The following TOM1 variants were observed in gnomAD, a reference collection of about 807,000 sequenced individuals.
TOM1 encodes the protein target of myb1 membrane trafficking protein.
In TOM1, 38 loss-of-function variants were observed where a neutral mutation model predicts 61.3. That is an observed-to-expected ratio of 0.62 (90% CI 0.48 to 0.81). The LOEUF is 0.81. Among genes scored for constraint, TOM1 ranks in the 40% least tolerant of loss-of-function variants. TOM1 has a pLI of 0.00. For synonymous variants in TOM1, 270 were observed against 268.8 expected, an observed-to-expected ratio of 1.00 and a Z score of -0.04; for missense variants, 591 against 659.6, an observed-to-expected ratio of 0.90 and a Z score of 1.14.
At chr22:35,341,275 C>T (rs931945159) in intron 12 of TOM1, among the ~76,000 whole-genome samples, 14 of 152,220 alleles carry the variant, frequency 9.2e-5, no homozygotes, top group Non-Finnish European at 2.1e-4. Flanking sequence ...TGGTGCCTGG[C>T]ACACACTACG....
chr22:35,328,745 G>A (rs1038412413), intron 7 of TOM1, among the ~76,000 whole-genome samples: 14 of 152,312 alleles, frequency 9.2e-5, no homozygotes, highest in Admixed American at 2.6e-4. Context: ...CCACATGACA[G>A]CCAAAATAAA....
intron 1 of TOM1, among the ~76,000 whole-genome samples, chr22:35,300,594 C>T (rs1002296979): frequency 9.2e-5 from 14 of 152,208 alleles, no homozygotes; most frequent in Non-Finnish European, 1.9e-4. Flanking sequence ...AGAACCTGAG[C>T]AGACAGTGGT....
At chr22:35,338,883 C>A in intron 12 of TOM1, 95 bp downstream of exon 12, 1 of 1,163,972 alleles carries the variant, frequency 8.6e-7, no homozygotes, top group South Asian at 1.6e-5. Flanking sequence ...AAGCACTGGC[C>A]CAGCACGTCC....
chr22:35,315,819 C>T (rs897187302), intron 1 of TOM1, among the ~76,000 whole-genome samples: 7 of 152,354 alleles, frequency 4.6e-5, no homozygotes, highest in Middle Eastern at 3.4e-3. Flanking sequence ...CTCTGTCCTC[C>T]GGCAGACTGG....
At chr22:35,346,873 G>A (rs973044284) in intron 13 of TOM1, 57 bp from the exon 14 acceptor site, 4 of 1,550,042 alleles carry the variant, frequency 2.6e-6, no homozygotes, top group Non-Finnish European at 3.5e-6. Flanking sequence ...CACTGCCCCA[G>A]GCTGACCGTA....
intron 1 of TOM1, among the ~76,000 whole-genome samples, chr22:35,308,088 C>A (rs917965800): frequency 6.6e-6 from 1 of 152,162 alleles, no homozygotes; most frequent in African/African-American, 2.4e-5. Context: ...GCAGGCTCCC[C>A]TTGTCCTTGC....
In TOM1 at chr22:35,323,227, G is replaced by A; in HGVS notation, c.366+50G>A. The stretch of plus-strand genomic sequence containing the variant: ...ACGGCCAGGAAGAGCTGTCAGTGCA[G>A]GAGCTTCCTGCCCAGTGGAGAGTCG... On this transcript the variant is annotated intron_variant, in intron 4 of 14. Transcript: ENST00000449058. This position sits in a 1 kb window ranked among gnomAD's most constrained non-coding sequence, Gnocchi z 4.2. The A allele has an allele frequency of 6.2e-7, 1 of 1,600,262 alleles. No individual in the cohort carries two copies. The highest frequency in any genetic ancestry group is 8.5e-7 in the Non-Finnish European group (1 of 1,175,770).
At chr22:35,301,810 C>G (rs1925823363) in intron 1 of TOM1, among the ~76,000 whole-genome samples, 1 of 105,156 alleles carries the variant, frequency 9.5e-6, no homozygotes, top group South Asian at 3.3e-4. Flanking sequence ...CCTGCCCTCC[C>G]CGGACACACA....
chr22:35,310,350 C>T (rs1016586155), intron 1 of TOM1, among the ~76,000 whole-genome samples: 3 of 152,146 alleles, frequency 2.0e-5, no homozygotes, highest in African/African-American at 7.2e-5. Flanking sequence ...GTCAAGAGAT[C>T]GAGACCATCC....
At chr22:35,332,258 C>T (rs1199975320) in intron 8 of TOM1, among the ~76,000 whole-genome samples, 1 of 152,068 alleles carries the variant, frequency 6.6e-6, no homozygotes, top group Admixed American at 6.6e-5. Flanking sequence ...GACTGAGGGG[C>T]CCCATCTGGT....
intron 12 of TOM1, among the ~76,000 whole-genome samples, chr22:35,339,450 T>G (rs1374999241): frequency 6.6e-6 from 1 of 152,216 alleles, no homozygotes; most frequent in Non-Finnish European, 1.5e-5. Context: ...TCTCTTTATC[T>G]GTACATTGGG....
chr22:35,322,859 C>T, intron 3 of TOM1, 169 bp from the exon 4 acceptor site: 2 of 805,064 alleles, frequency 2.5e-6, no homozygotes, highest in South Asian at 1.9e-5. Context: ...ACAAGTCCCC[C>T]AGTCCTGGCA....
In TOM1 at chr22:35,345,755, G is replaced by A; in HGVS notation, c.1255G>A (p.Asp419Asn). 1 of 1,614,134 alleles carries A rather than the reference G, an allele frequency of 6.2e-7. No homozygotes were observed. Among genetic ancestry groups the A allele is most frequent in the South Asian group, 1.1e-5 (1 of 91,084 alleles). The change falls in exon 13 of 15, where the codon GAC becomes AAC. Residue 419 changes from aspartate (D) to asparagine (N), a missense_variant. Asp to Asn is a conservative substitution (Grantham distance 23). Transcript: ENST00000449058. ...IPVTQACLME[D>N]IEQWLSTDVG... ...AGTCACCCAGGCCTGCCTCATGGAG[G>A]ACATCGAGCAGTGGCTGTCCACTGA...
At chr22:35,308,041 AAGAC>A (rs1490097021) in intron 1 of TOM1, among the ~76,000 whole-genome samples, 1 of 152,144 alleles carries the variant, frequency 6.6e-6, no homozygotes, top group Non-Finnish European at 1.5e-5. Context: ...GAATAGGAAA[AAGAC>A]TGACCTCCCC....
At chr22:35,300,058 C>T (rs1274024633) in intron 1 of TOM1, 78 bp downstream of exon 1, 3 of 1,502,104 alleles carry the variant, frequency 2.0e-6, no homozygotes, top group Non-Finnish European at 2.7e-6. Flanking sequence ...CCTCCGGGTG[C>T]CTAGTCACGG....
intron 12 of TOM1, chr22:35,344,068 C>G (rs1020562706): frequency 2.0e-5 from 3 of 152,212 alleles, no homozygotes; most frequent in African/African-American, 7.3e-5. Context: ...TACACACACC[C>G]CTACACACAC....
chr22:35,338,259 A>G (rs2145709294), intron 11 of TOM1, among the ~76,000 whole-genome samples: 1 of 152,322 alleles, frequency 6.6e-6, no homozygotes, highest in South Asian at 2.1e-4. Flanking sequence ...GTGCAAGACA[A>G]GATGGCACCT....
rs1429860848 is a variant in TOM1, at chr22:35,339,676, G to A, written c.1224+888G>A. Among the ~76,000 whole-genome samples, 4 of 151,846 alleles carry A rather than the reference G, an allele frequency of 2.6e-5. No individual in the cohort carries two copies. In the East Asian group the frequency reaches 5.8e-4, roughly 22 times the overall value. On this transcript the variant is annotated intron_variant, in intron 12 of 14. Transcript: ENST00000449058. ...TCCCAGCACTTTGGGAGGCCGAGGC[G>A]GGCGGATCACGAGGTCAGGAGATCG...
intron 3 of TOM1, 187 bp downstream of exon 3, chr22:35,322,224 G>C: frequency 1.7e-6 from 1 of 590,530 alleles, no homozygotes; most frequent in Non-Finnish European, 3.0e-6. Context: ...ATTTGGAAAG[G>C]TTCTCCCCAA....
Sources: allele counts gnomAD v4.1 joint callset (sites outside exome capture counted in the v4.1 genomes callset), GRCh38; gene constraint gnomAD v4.1.1; non-coding constraint Gnocchi (gnomAD v3.1); transcripts MANE v1.5; gene names NCBI Gene and HGNC (gene_info 2026-07-23, HGNC 2026-07-21).